PSEN1: variants seen among roughly 807,000 people sequenced by gnomAD.
PSEN1 encodes the protein presenilin 1.
Under a neutral mutation model 53.5 loss-of-function variants are expected in PSEN1, and 15 were observed. The observed-to-expected ratio is 0.28, with a 90% confidence interval of 0.19 to 0.43. The LOEUF (loss-of-function observed/expected upper bound fraction) is 0.43. Ranked by LOEUF, PSEN1 falls within the 20% of genes least tolerant of loss-of-function variation. The pLI is 1.00. For synonymous variants in PSEN1, 208 were observed against 209.8 expected (o/e 0.99, Z 0.08); for missense variants, 387 against 571.2 (o/e 0.68, Z 3.29).
intron 3 of PSEN1, chr14:73,160,055 C>A: frequency 3.7e-6 from 1 of 270,808 alleles, no homozygotes; most frequent in Non-Finnish European, 8.2e-6. Flanking sequence ...AACTCCTGGG[C>A]TCAAGTAATC....
intron 9 of PSEN1, among the ~76,000 whole-genome samples, chr14:73,210,016 ACT>A (rs1566652613): frequency 6.6e-6 from 1 of 152,132 alleles, no homozygotes; most frequent in East Asian, 1.9e-4. Context: ...ATTTCCAAAC[ACT>A]CCCCGGAAGG....
At chr14:73,189,000 A>C (rs893218992) in intron 6 of PSEN1, among the ~76,000 whole-genome samples, 3 of 152,032 alleles carry the variant, frequency 2.0e-5, no homozygotes, top group African/African-American at 7.2e-5. Flanking sequence ...CATGTTGGCC[A>C]GGCTGTTCTC....
At chr14:73,199,430 A>G (rs1377325857) in intron 8 of PSEN1, among the ~76,000 whole-genome samples, 1 of 152,190 alleles carries the variant, frequency 6.6e-6, no homozygotes, top group African/African-American at 2.4e-5. Flanking sequence ...TTCACTTAAG[A>G]ATATCATTAC....
rs117643810 is a variant in PSEN1, at chr14:73,187,219, G to A, written c.548+299G>A. ...TGTGCATCAGAATGTTTTAAGAAAG[G>A]GTTTTAAGAATGTATAAAAACCAAA... On this transcript the variant is annotated intron_variant, in intron 6 of 11. Coordinates refer to ENST00000324501, the MANE Select transcript of PSEN1 (RefSeq NM_000021.4). Among the ~76,000 whole-genome samples, 928 of 152,056 alleles carry A rather than the reference G, an allele frequency of 6.1e-3. 5 individuals are homozygous for A. The highest frequency in any genetic ancestry group is 0.01 in the Non-Finnish European group (686 of 67,990).
chr14:73,176,351 G>A (rs362361), intron 5 of PSEN1, among the ~76,000 whole-genome samples: 6,400 of 152,200 alleles, frequency 0.042, 365 homozygotes, highest in African/African-American at 0.12. Flanking sequence ...GCTTTAGTAG[G>A]CTGACCTTGT....
intron 5 of PSEN1, among the ~76,000 whole-genome samples, chr14:73,182,598 C>T (rs1014753296): frequency 5.3e-5 from 8 of 152,100 alleles, no homozygotes; most frequent in African/African-American, 1.7e-4. Context: ...AATCCCAGCA[C>T]TGTGGGAGGC....
chr14:73,167,611 G>A (rs1402552697), intron 3 of PSEN1, among the ~76,000 whole-genome samples: 1 of 152,014 alleles, frequency 6.6e-6, no homozygotes, highest in Non-Finnish European at 1.5e-5. Context: ...TCAAACTATA[G>A]CACCCTCCTT....
In PSEN1 at chr14:73,160,803, CTTTTTTT is replaced by C. The variant is rs34048372; in HGVS notation, c.88-9978_88-9972del. On this transcript the variant is annotated intron_variant, in intron 3 of 11. Transcript: ENST00000324501. ...TTTTTCCAATTGTTTAATTGTAGGACTTTTTTTTTTTTTTTTTTTTTTGAGATGGAGT... is the reference window on the plus strand; with the variant it reads ...TTTTTCCAATTGTTTAATTGTAGGACTTTTTTTTTTTTTTTGAGATGGAGT... Among the ~76,000 whole-genome samples the C allele has an allele frequency of 3.5e-4, 30 of 84,722 alleles. 1 individual carries two copies. Among genetic ancestry groups the C allele is most frequent in the Non-Finnish European group, 6.0e-4 (28 of 47,030 alleles). 55.6% of individuals were successfully genotyped at this position (84,722 alleles called of 152,430 possible).
chr14:73,173,492 G>A lies in PSEN1; in HGVS notation c.339-74G>A, dbSNP rs896658405. On this transcript the variant is annotated intron_variant, in intron 4 of 11. Transcript: ENST00000324501. ...ATTGAATTAAGAAAAAGAAAATTCT[G>A]TGTTGGAGGTGGTAATGTGGTTGGT... 1.0e-5 allele frequency: 15 copies of A among 1,438,908 alleles called. No individual in the cohort carries two copies. The East Asian group carries it at 3.4e-4, about 33-fold the overall frequency. The allele number at this position is 1,438,908 out of a possible 1,614,324, so 89.1% of individuals were successfully genotyped here.
Position 73,197,827 on chromosome 14 carries a change from CT to C in PSEN1, c.770-203del, listed in dbSNP as rs1481083294. ...CCCAAATGAAATTTTTACAGATGTT[CT>C]GTGTCATTTTATTTTGTTTATGTTG... On this transcript the variant is annotated intron_variant, in intron 7 of 11. Coordinates refer to ENST00000324501, the MANE Select transcript of PSEN1 (RefSeq NM_000021.4). The C allele has an allele frequency of 7.0e-6, 4 of 571,130 alleles. No homozygotes were observed. The Admixed American group carries it at 1.2e-4, about 17-fold the overall frequency. 35.4% of individuals were successfully genotyped at this position (571,130 alleles called of 1,614,324 possible).
At chr14:73,202,762 G>A (rs536733676) in intron 8 of PSEN1, among the ~76,000 whole-genome samples, 1 of 151,290 alleles carries the variant, frequency 6.6e-6, no homozygotes, top group Non-Finnish European at 1.5e-5. Context: ...GTGAGCCACC[G>A]TGCCCAGCCT....
At chr14:73,202,450 A>T (rs1475303721) in intron 8 of PSEN1, among the ~76,000 whole-genome samples, 23 of 15,866 alleles carry the variant, frequency 1.4e-3, no homozygotes, top group African/African-American at 6.4e-3. Flanking sequence ...ATATATATAT[A>T]TATATATATA....
intron 1 of PSEN1, among the ~76,000 whole-genome samples, chr14:73,138,374 A>G (rs1394899478): frequency 1.3e-5 from 2 of 150,684 alleles, no homozygotes; most frequent in East Asian, 2.0e-4. Flanking sequence ...GTCCGCCACC[A>G]CGCCCGGCTA....
intron 4 of PSEN1, 72 bp downstream of exon 4, chr14:73,171,119 T>C (rs1199249081): frequency 3.9e-5 from 61 of 1,571,944 alleles, no homozygotes; most frequent in Non-Finnish European, 5.1e-5. Flanking sequence ...ATCATCACCT[T>C]GAAGGCCTCT....
intron 10 of PSEN1, among the ~76,000 whole-genome samples, chr14:73,213,267 A>G (rs1005660571): frequency 2.0e-5 from 3 of 152,118 alleles, no homozygotes; most frequent in African/African-American, 7.2e-5. Flanking sequence ...CTCTTTTCTC[A>G]CAGGCACCAG....
chr14:73,139,871 A>G (rs1031375002), intron 1 of PSEN1, among the ~76,000 whole-genome samples: 2 of 152,260 alleles, frequency 1.3e-5, no homozygotes, highest in Admixed American at 1.3e-4. Flanking sequence ...AAAAGGTATT[A>G]GTATTGGCTT....
At chr14:73,159,494 A>G (rs1897464590) in intron 3 of PSEN1, among the ~76,000 whole-genome samples, 2 of 152,168 alleles carry the variant, frequency 1.3e-5, no homozygotes, top group Non-Finnish European at 2.9e-5. Flanking sequence ...ATCCTTTTGA[A>G]GTTGATTGTT....
rs555030615 is a variant in PSEN1 at position 73,200,861 on chromosome 14, G to A, written c.868+2732G>A. The stretch of plus-strand genomic sequence containing the variant: ...AGGTCAGGAGTTTGAAACCAGCCTG[G>A]CCAACATGGTGAAACTCTGTCTTTA... On this transcript the variant is annotated intron_variant, in intron 8 of 11. Coordinates refer to ENST00000324501, the MANE Select transcript of PSEN1 (RefSeq NM_000021.4). 2.0e-5 allele frequency among the ~76,000 whole-genome samples: 3 copies of A among 152,076 alleles called. No homozygotes were observed. The South Asian group carries it at 6.2e-4, about 32-fold the overall frequency.
chr14:73,170,725 T>A (rs1372850689), intron 3 of PSEN1, 72 bp from the exon 4 acceptor site: 1 of 1,534,412 alleles, frequency 6.5e-7, no homozygotes, highest in Non-Finnish European at 9.0e-7. Context: ...CTGTTGTTAA[T>A]CCCAGGTCTA....
Sources: gnomAD v4.1 joint callset for allele counts (sites outside exome capture counted in the v4.1 genomes callset) on GRCh38, gnomAD v4.1.1 for gene constraint, MANE v1.5 for transcripts, NCBI Gene and HGNC (gene_info 2026-07-23, HGNC 2026-07-21) for gene names.